The following PTPN21 variants were observed in gnomAD, a reference collection of about 807,000 sequenced individuals.
PTPN21 encodes tyrosine-protein phosphatase non-receptor type 21.
In PTPN21, 77 loss-of-function variants were observed where a neutral mutation model predicts 131.8. The ratio of observed to expected loss-of-function variants is 0.58; its 90% CI spans 0.49 to 0.71. The LOEUF (loss-of-function observed/expected upper bound fraction) is 0.71. Among genes scored for constraint, PTPN21 ranks in the 30% least tolerant of loss-of-function variants. The pLI is 0.00. For missense variants in PTPN21, 1,552 were observed against 1,527.1 expected (o/e 1.02, Z -0.27); for synonymous variants, 715 against 621.3 (o/e 1.15, Z -2.24).
chr14:88,495,745 C>T (rs2077903727), intron 10 of PTPN21, among the ~76,000 whole-genome samples: 1 of 152,062 alleles, frequency 6.6e-6, no homozygotes, highest in African/African-American at 2.4e-5. Context: ...GAGCAGGATT[C>T]CAGAAGGATG....
chr14:88,514,230 T>C (rs2078227928), intron 3 of PTPN21, among the ~76,000 whole-genome samples: 1 of 152,218 alleles, frequency 6.6e-6, no homozygotes, highest in African/African-American at 2.4e-5. Flanking sequence ...TCAAAATTTC[T>C]AATTGTTTTT....
At chr14:88,471,397 T>C (rs994905802) in intron 15 of PTPN21, among the ~76,000 whole-genome samples, 2 of 152,290 alleles carry the variant, frequency 1.3e-5, no homozygotes, top group South Asian at 4.1e-4. Context: ...CATCATTTTG[T>C]CCATTTTCAT....
chr14:88,530,328 A>T (rs2078537718), intron 2 of PTPN21, among the ~76,000 whole-genome samples: 1 of 152,234 alleles, frequency 6.6e-6, no homozygotes, highest in South Asian at 2.1e-4. Flanking sequence ...GAAACTCCTT[A>T]AAGCATAAAT....
At position 88,479,799 on chromosome 14, in the gene PTPN21, A is replaced by G. The variant is rs2077616571; in HGVS notation, c.1632T>C (p.Asn544=). 2 of 1,545,724 alleles carry G rather than the reference A, an allele frequency of 1.3e-6. No homozygotes were observed. Among genetic ancestry groups the G allele is most frequent in the East Asian group, 2.3e-5 (1 of 44,424 alleles). The part of the protein sequence containing the change: ...VGAVSVPELT[N]AQLQAQDYPS... ...GGTAGTCCTGCGCCTGCAGCTGCGCATTGGTCAGCTCCGGCACGCTGACCG... is the reference window on the plus strand; with the variant it reads ...GGTAGTCCTGCGCCTGCAGCTGCGCGTTGGTCAGCTCCGGCACGCTGACCG... The change falls in exon 13 of 19, where the codon AAT becomes AAC. Residue 544 remains asparagine (N), a synonymous_variant. Transcript: ENST00000556564.
At chr14:88,514,922 T>A (rs74344136) in intron 3 of PTPN21, 1 of 152,178 alleles carries the variant, frequency 6.6e-6, no homozygotes, top group Non-Finnish European at 1.5e-5. Flanking sequence ...AGGAACATAC[T>A]GACCAACTGC....
chr14:88,553,692 A>G lies in PTPN21; in HGVS notation c.-203+959T>C, dbSNP rs146335885. The stretch of plus-strand genomic sequence containing the variant: ...CTAGATTCTGCTTCAGTACAAGTTT[A>G]CAAAAGGCAGTCTGAACTATTTGTG... On this transcript the variant is annotated intron_variant, in intron 1 of 18. Coordinates refer to ENST00000556564, the MANE Select transcript of PTPN21 (RefSeq NM_007039.4). 4.2e-4 allele frequency among the ~76,000 whole-genome samples: 64 copies of G among 151,938 alleles called. 1 individual carries two copies. The East Asian group carries it at 0.011, about 25-fold the overall frequency.
At chr14:88,476,038 T>A (rs2077542912) in intron 13 of PTPN21, among the ~76,000 whole-genome samples, 1 of 152,228 alleles carries the variant, frequency 6.6e-6, no homozygotes, top group African/African-American at 2.4e-5. Context: ...AAAATCTTTA[T>A]GTAGATATAT....
Position 88,507,921 on chromosome 14 carries a change from AC to A in PTPN21, c.448+1del. 1.9e-6 allele frequency: 3 copies of A among 1,565,700 alleles called. No individual in the cohort carries two copies. Among genetic ancestry groups the A allele is most frequent in the Non-Finnish European group, 2.6e-6 (3 of 1,143,818 alleles). ...ATTTCATTATGAATTGATCTTATTTACCTTGAACAGCTAAGCCTGCTAGCTG... is the reference window on the plus strand; with the variant it reads ...ATTTCATTATGAATTGATCTTATTTACTTGAACAGCTAAGCCTGCTAGCTG... On this transcript the variant is annotated splice_donor_variant, in intron 4 of 18. Coordinates refer to ENST00000556564, the MANE Select transcript of PTPN21 (RefSeq NM_007039.4). LOFTEE classifies it high-confidence loss of function.
chr14:88,521,167 T>C (rs1309842127), intron 2 of PTPN21, among the ~76,000 whole-genome samples: 1 of 152,162 alleles, frequency 6.6e-6, no homozygotes, highest in Non-Finnish European at 1.5e-5. Flanking sequence ...TTTTTAAAAA[T>C]ATCATTTAGT....
intron 10 of PTPN21, chr14:88,492,886 G>C (rs2077845626): frequency 3.0e-6 from 1 of 338,312 alleles, no homozygotes; most frequent in Admixed American, 4.4e-5. Flanking sequence ...CCAGACAGGG[G>C]ACACGAAGAT....
rs2078115934 is a variant in PTPN21, at chr14:88,507,838, T to C, written c.448+85A>G. On this transcript the variant is annotated intron_variant, in intron 4 of 18. Transcript: ENST00000556564. ...AAACACTACTAAAGATGTATATAGA[T>C]AGATAACTTAAAAATCCCTTGCTAT... is the stretch of plus-strand genomic sequence containing the variant. 4.0e-6 allele frequency: 3 copies of C among 755,942 alleles called. No individual in the cohort carries two copies. The South Asian group carries it at 6.2e-5, about 16-fold the overall frequency. 46.8% of individuals were successfully genotyped at this position (755,942 alleles called of 1,614,324 possible).
chr14:88,492,568 T>G (rs1469131925), intron 10 of PTPN21, among the ~76,000 whole-genome samples: 1 of 152,078 alleles, frequency 6.6e-6, no homozygotes, highest in African/African-American at 2.4e-5. Context: ...GGGCCATACA[T>G]GCAAACCACT....
intron 1 of PTPN21, chr14:88,551,454 T>G (rs1250075720): frequency 1.3e-5 from 2 of 152,174 alleles, no homozygotes; most frequent in African/African-American, 4.8e-5. Flanking sequence ...CGTCCTCCCC[T>G]TGGGAAGAGC....
chr14:88,514,469 CTTTTTTT>C (rs555587081), intron 3 of PTPN21, among the ~76,000 whole-genome samples: 2 of 140,762 alleles, frequency 1.4e-5, no homozygotes, highest in Non-Finnish European at 3.1e-5. Context: ...TTTCTTTTTT[CTTTTTTT>C]TTTTTGAGAC....
intron 2 of PTPN21, among the ~76,000 whole-genome samples, chr14:88,525,513 C>T (rs2078461768): frequency 6.6e-6 from 1 of 152,106 alleles, no homozygotes; most frequent in African/African-American, 2.4e-5. Flanking sequence ...TAATGAGATA[C>T]CACTTCACAC....
At chr14:88,477,649 T>C (rs1391585833) in intron 13 of PTPN21, among the ~76,000 whole-genome samples, 1 of 151,854 alleles carries the variant, frequency 6.6e-6, no homozygotes, top group Admixed American at 6.6e-5. Context: ...CCTGTCGGAG[T>C]TTGCAGTTTA....
At chr14:88,498,525 T>C (rs2077959831) in intron 8 of PTPN21, among the ~76,000 whole-genome samples, 1 of 152,194 alleles carries the variant, frequency 6.6e-6, no homozygotes, top group Admixed American at 6.5e-5. Context: ...ACACCTATTA[T>C]AACAATGCCA....
chr14:88,523,145 A>T (rs1207627756), intron 2 of PTPN21, among the ~76,000 whole-genome samples: 4 of 152,166 alleles, frequency 2.6e-5, no homozygotes, highest in Non-Finnish European at 5.9e-5. Context: ...AGATAACCAC[A>T]AGAAAACTAT....
At chr14:88,523,748 CA>C (rs1163551727) in intron 2 of PTPN21, among the ~76,000 whole-genome samples, 97 of 151,996 alleles carry the variant, frequency 6.4e-4, no homozygotes, top group Non-Finnish European at 1.3e-3. Flanking sequence ...CACACACACA[CA>C]CACACACCCC....
Sources: gnomAD v4.1 joint callset for allele counts (sites outside exome capture counted in the v4.1 genomes callset) on GRCh38, gnomAD v4.1.1 for gene constraint, MANE v1.5 for transcripts, NCBI Gene and HGNC (gene_info 2026-07-23, HGNC 2026-07-21) for gene names.